The following CDH10 variants were observed in gnomAD, a reference collection of about 807,000 sequenced individuals.
The protein encoded by CDH10 is cadherin-10.
In CDH10, 30 loss-of-function variants were observed where a neutral mutation model predicts 73.1. That is an observed-to-expected ratio of 0.41 (90% confidence interval 0.31 to 0.56). The LOEUF (loss-of-function observed/expected upper bound fraction) is 0.56. CDH10 is among the 20% of genes least tolerant of loss of function. CDH10 has a pLI of 0.27. For missense variants in CDH10, 815 were observed against 973.7 expected (o/e 0.84, Z 2.17); for synonymous variants, 345 against 348.2 (o/e 0.99, Z 0.10).
intron 2 of CDH10, among the ~76,000 whole-genome samples, chr5:24,578,136 T>C (rs1561175401): frequency 6.6e-6 from 1 of 152,164 alleles, no homozygotes; most frequent in Non-Finnish European, 1.5e-5. Context: ...GGGCAGCAGC[T>C]AGATCTTTCA....
intron 1 of CDH10, among the ~76,000 whole-genome samples, chr5:24,601,338 T>C (rs1746555688): frequency 6.6e-6 from 1 of 152,204 alleles, no homozygotes; most frequent in Admixed American, 6.5e-5. Context: ...AAACAGTTAG[T>C]GTCATAACCA....
At chr5:24,505,319 C>A (rs2111728947) in intron 7 of CDH10, 71 bp from the exon 8 acceptor site, 2 of 1,107,304 alleles carry the variant, frequency 1.8e-6, no homozygotes, top group Non-Finnish European at 2.8e-6. Context: ...TAGTGAAATG[C>A]AAACCCACAC....
intron 6 of CDH10, 86 bp downstream of exon 6, chr5:24,511,241 C>T: frequency 1.2e-6 from 1 of 807,662 alleles, no homozygotes; most frequent in Non-Finnish European, 2.0e-6. Flanking sequence ...TAGTATTTCC[C>T]AATGGATCAT....
chr5:24,623,694 T>G (rs185508349), intron 1 of CDH10, among the ~76,000 whole-genome samples: 1 of 152,192 alleles, frequency 6.6e-6, no homozygotes, highest in Admixed American at 6.5e-5. Context: ...GAATATCTCT[T>G]ACCTTGCAGA....
chr5:24,504,953 G>GA (rs901896192), intron 8 of CDH10, among the ~76,000 whole-genome samples, 159 bp downstream of exon 8: 1 of 151,850 alleles, frequency 6.6e-6, no homozygotes, highest in East Asian at 1.9e-4. Context: ...AAGAAATATT[G>GA]AAAAAAAGTG....
At chr5:24,595,786 G>C (rs1334247441) in intron 1 of CDH10, among the ~76,000 whole-genome samples, 3 of 151,870 alleles carry the variant, frequency 2.0e-5, no homozygotes, top group Non-Finnish European at 2.9e-5. Flanking sequence ...GCAATTCTAT[G>C]ATGCATTGGT....
intron 2 of CDH10, among the ~76,000 whole-genome samples, chr5:24,583,135 A>G (rs1054488585): frequency 1.3e-5 from 2 of 151,978 alleles, no homozygotes; most frequent in African/African-American, 4.8e-5. Context: ...AATATTATTC[A>G]GCTACTCAAA....
rs1414806543 is a variant in CDH10, at chr5:24,535,349, A to C, written c.647-70T>G. ...CCATTGTTATTTTATTAAGTCCACA[A>C]AAAGTATTTTTAAGCTAGTGATTTT... On this transcript the variant is annotated intron_variant, in intron 4 of 11. Coordinates refer to ENST00000264463, the MANE Select transcript of CDH10 (RefSeq NM_006727.5). 3.2e-5 allele frequency: 45 copies of C among 1,425,424 alleles called. No homozygotes were observed. In the South Asian group the frequency reaches 5.7e-4, roughly 18 times the overall value. The allele number at this position is 1,425,424 out of a possible 1,614,324, so 88.3% of individuals were successfully genotyped here.
At chr5:24,544,607 C>T (rs1744276477) in intron 2 of CDH10, among the ~76,000 whole-genome samples, 1 of 152,266 alleles carries the variant, frequency 6.6e-6, no homozygotes, top group South Asian at 2.1e-4. Context: ...ATTCCTCTTT[C>T]CCATTTAGTC....
At chr5:24,544,544 A>G (rs1744272547) in intron 2 of CDH10, among the ~76,000 whole-genome samples, 1 of 152,186 alleles carries the variant, frequency 6.6e-6, no homozygotes, top group Admixed American at 6.5e-5. Flanking sequence ...GGTTCCCCAG[A>G]GATTTCCTCC....
intron 2 of CDH10, among the ~76,000 whole-genome samples, chr5:24,542,860 G>T (rs1227644306): frequency 6.6e-6 from 1 of 152,078 alleles, no homozygotes; most frequent in Non-Finnish European, 1.5e-5. Context: ...CTATTCATGA[G>T]ATTTCCACCT....
intron 10 of CDH10, 109 bp from the exon 11 acceptor site, chr5:24,491,936 A>G (rs1742068755): frequency 1.6e-6 from 1 of 641,828 alleles, no homozygotes; most frequent in Admixed American, 3.1e-5. Context: ...AAAATATAAA[A>G]TTGATATACA....
chr5:24,596,086 A>G (rs972095277), intron 1 of CDH10, among the ~76,000 whole-genome samples: 1 of 151,986 alleles, frequency 6.6e-6, no homozygotes, highest in Admixed American at 6.6e-5. Context: ...CATTTTGAAC[A>G]ATGACACGGT....
chr5:24,631,787 A>G (rs1434698738), intron 1 of CDH10, among the ~76,000 whole-genome samples: 2 of 152,180 alleles, frequency 1.3e-5, no homozygotes, highest in African/African-American at 4.8e-5. Flanking sequence ...AGTTACTAGC[A>G]CACTTTATAA....
At position 24,543,954 on chromosome 5, in the gene CDH10, C is replaced by T. The variant is rs73067150; in HGVS notation, c.232-6280G>A. Among the ~76,000 whole-genome samples the T allele has an allele frequency of 4.5e-3, 681 of 152,200 alleles. 8 individuals are homozygous for T. The highest frequency in any genetic ancestry group is 0.016 in the African/African-American group (654 of 41,548). ...AGAGCACTGTTTCAATATTAATGTA[C>T]ATAAAAACAAGACCAATTTCATGAA... On this transcript the variant is annotated intron_variant, in intron 2 of 11. Coordinates refer to ENST00000264463, the MANE Select transcript of CDH10 (RefSeq NM_006727.5).
intron 9 of CDH10, among the ~76,000 whole-genome samples, chr5:24,495,515 G>A (rs191825870): frequency 2.0e-5 from 3 of 152,078 alleles, no homozygotes; most frequent in Admixed American, 2.0e-4. Flanking sequence ...GGAAGCCTTG[G>A]AGTTTCCGTT....
At chr5:24,622,206 A>G (rs190582541) in intron 1 of CDH10, among the ~76,000 whole-genome samples, 1 of 152,192 alleles carries the variant, frequency 6.6e-6, no homozygotes, top group African/African-American at 2.4e-5. Context: ...CACAAACTCA[A>G]ACTCACAAGT....
At position 24,554,104 on chromosome 5, in the gene CDH10, AGGTGGGCGGGGGGGG is replaced by A. The variant is rs1561159141; in HGVS notation, c.232-16445_232-16431del. On this transcript the variant is annotated intron_variant, in intron 2 of 11. Coordinates refer to ENST00000264463, the MANE Select transcript of CDH10 (RefSeq NM_006727.5). ...GAGAGACAGAGAGAGAGAGAAGGGG[AGGTGGGCGGGGGGGG>A]GAGAGAGAGAGACATTCAATCAGCC... is the stretch of plus-strand genomic sequence containing the variant. The A allele has an allele frequency of 9.8e-4, 38 of 38,596 alleles. 4 individuals carry two copies. The highest frequency in any genetic ancestry group is 1.6e-3 in the African/African-American group (18 of 11,584). 2.4% of individuals were successfully genotyped at this position (38,596 alleles called of 1,614,324 possible).
intron 5 of CDH10, among the ~76,000 whole-genome samples, chr5:24,522,879 T>C (rs956077696): frequency 6.6e-6 from 1 of 152,142 alleles, no homozygotes; most frequent in Non-Finnish European, 1.5e-5. Context: ...TATAGCATTT[T>C]TGAAAATTAC....
Sources: allele counts gnomAD v4.1 joint callset (sites outside exome capture counted in the v4.1 genomes callset), GRCh38; gene constraint gnomAD v4.1.1; transcripts MANE v1.5; gene names NCBI Gene and HGNC (gene_info 2026-07-23, HGNC 2026-07-21).